CCDC170: variants seen among roughly 807,000 people sequenced by gnomAD.
CCDC170 encodes coiled-coil domain containing 170.
CCDC170 carries 69 observed loss-of-function variants against 72.6 expected under a neutral mutation model. The observed-to-expected ratio is 0.95, with a 90% CI of 0.78 to 1.16. The LOEUF is 1.16. Ranked by LOEUF, CCDC170 falls within the 50% of genes most tolerant of loss-of-function variation. The probability of loss-of-function intolerance (pLI) is 0.00; values close to 1 mark genes in which losing one functional copy is unlikely to be tolerated. For missense variants in CCDC170, 852 were observed against 832.5 expected (o/e 1.02, Z -0.29); for synonymous variants, 300 against 303.9 (o/e 0.99, Z 0.13).
intron 5 of CCDC170, among the ~76,000 whole-genome samples, chr6:151,551,373 G>A (rs1232869353): frequency 1.3e-5 from 2 of 152,124 alleles, no homozygotes; most frequent in South Asian, 2.1e-4. Flanking sequence ...TATAATGCCG[G>A]ATACCATCTG....
chr6:151,571,708 T>C (rs1817480), intron 5 of CCDC170, among the ~76,000 whole-genome samples: 14,596 of 151,506 alleles, frequency 0.096, 721 homozygotes, highest in Non-Finnish European at 0.11. Flanking sequence ...GCCTGGGCAA[T>C]AAGAGTGAAA....
intron 9 of CCDC170, among the ~76,000 whole-genome samples, chr6:151,601,667 G>A (rs1327387947): frequency 1.3e-5 from 2 of 152,124 alleles, no homozygotes; most frequent in Non-Finnish European, 2.9e-5. Context: ...GAGACTAGCA[G>A]GATGGGCTGA....
At chr6:151,520,398 G>A (rs1366850850) in intron 1 of CCDC170, among the ~76,000 whole-genome samples, 1 of 152,230 alleles carries the variant, frequency 6.6e-6, no homozygotes, top group Non-Finnish European at 1.5e-5. Context: ...GACAGTGAAA[G>A]AGATCTAATC....
chr6:151,557,224 C>T (rs138004850), intron 5 of CCDC170, among the ~76,000 whole-genome samples: 1,743 of 151,990 alleles, frequency 0.011, 37 homozygotes, highest in African/African-American at 0.04. Flanking sequence ...CTGGCTAACA[C>T]GGTGGAACCC....
intron 6 of CCDC170, among the ~76,000 whole-genome samples, chr6:151,574,528 G>A (rs1776274170): frequency 6.6e-6 from 1 of 152,184 alleles, no homozygotes. Context: ...GTAATGCAGA[G>A]TGCAGCCTTA....
intron 1 of CCDC170, among the ~76,000 whole-genome samples, chr6:151,508,170 GA>G (rs1583001954): frequency 6.6e-6 from 1 of 152,276 alleles, no homozygotes; most frequent in East Asian, 1.9e-4. Flanking sequence ...CTATGTAAGG[GA>G]AATATTCCTG....
chr6:151,535,202 C>T (rs748004936), intron 1 of CCDC170, among the ~76,000 whole-genome samples: 1 of 152,190 alleles, frequency 6.6e-6, no homozygotes, highest in Non-Finnish European at 1.5e-5. Context: ...GGAATTTACA[C>T]TTCAAAAAGT....
At chr6:151,541,198 C>A (rs910535548) in intron 3 of CCDC170, among the ~76,000 whole-genome samples, 2 of 152,192 alleles carry the variant, frequency 1.3e-5, no homozygotes, top group Non-Finnish European at 2.9e-5. Flanking sequence ...TCAGATGGCA[C>A]TTTCCAAGTG....
At chr6:151,532,536 G>A (rs555701645) in intron 1 of CCDC170, among the ~76,000 whole-genome samples, 4 of 151,918 alleles carry the variant, frequency 2.6e-5, no homozygotes, top group South Asian at 2.1e-4. Flanking sequence ...GAATCTGGGA[G>A]GTGAAAGTTG....
chr6:151,578,829 G>C (rs983507098), intron 6 of CCDC170, among the ~76,000 whole-genome samples: 5 of 152,150 alleles, frequency 3.3e-5, no homozygotes, highest in African/African-American at 9.7e-5. Flanking sequence ...TGTCTAAAAG[G>C]AACTGGACTT....
intron 1 of CCDC170, among the ~76,000 whole-genome samples, chr6:151,509,523 T>G (rs116506584): frequency 0.019 from 2,842 of 152,302 alleles, 83 homozygotes; most frequent in African/African-American, 0.065. Flanking sequence ...TGAACAGATA[T>G]TTTTAAGCTT....
intron 1 of CCDC170, among the ~76,000 whole-genome samples, chr6:151,523,357 G>A (rs1405306938): frequency 6.6e-6 from 1 of 152,080 alleles, no homozygotes; most frequent in Non-Finnish European, 1.5e-5. Flanking sequence ...GCTAATTGGA[G>A]ATGTTTTCCC....
rs1212389041 is a variant in CCDC170 at position 151,618,028 on chromosome 6, A to G, written c.2029A>G (p.Lys677Glu). ...SLALPDYEII[K>E]CLERLVHSHQ... is the part of the protein sequence containing the mutation. ...TGCTCTTCCTGATTATGAAATCATC[A>G]AGTGTCTTGAAAGATTGGTCCATTC... The change falls in exon 11 of 11, where the codon AAG becomes GAG. Residue 677 changes from lysine (K) to glutamate (E), a missense_variant. Coordinates refer to ENST00000239374, the MANE Select transcript of CCDC170 (RefSeq NM_025059.4). 8.1e-6 allele frequency: 13 copies of G among 1,614,134 alleles called. No homozygotes were observed. The highest frequency in any genetic ancestry group is 1.0e-5 in the Non-Finnish European group (12 of 1,180,026).
intron 9 of CCDC170, among the ~76,000 whole-genome samples, chr6:151,600,927 C>G (rs148747276): frequency 6.0e-4 from 92 of 152,274 alleles, no homozygotes; most frequent in African/African-American, 2.1e-3. Context: ...TTCTGGTAAC[C>G]AGTCATCTTT....
intron 9 of CCDC170, among the ~76,000 whole-genome samples, chr6:151,614,171 T>C (rs1301266633): frequency 2.0e-5 from 3 of 152,182 alleles, no homozygotes; most frequent in Non-Finnish European, 4.4e-5. Context: ...TCCATGGTGT[T>C]AAGTACATTC....
chr6:151,554,305 T>C (rs918933028), intron 5 of CCDC170, among the ~76,000 whole-genome samples: 2 of 152,240 alleles, frequency 1.3e-5, no homozygotes, highest in African/African-American at 4.8e-5. Flanking sequence ...AACTTCCATG[T>C]TGCATTTAAT....
chr6:151,508,697 A>G (rs1782099569), intron 1 of CCDC170, among the ~76,000 whole-genome samples: 1 of 149,876 alleles, frequency 6.7e-6, no homozygotes, highest in Admixed American at 6.6e-5. Context: ...TGGGTGACAG[A>G]GTGAGACTCT....
intron 1 of CCDC170, among the ~76,000 whole-genome samples, chr6:151,517,168 A>G (rs1404784715): frequency 6.6e-6 from 1 of 152,116 alleles, no homozygotes; most frequent in Non-Finnish European, 1.5e-5. Flanking sequence ...AACTGTCTCT[A>G]CTAAAAATAC....
chr6:151,515,868 CCATCCTGGCCAA>C, intron 1 of CCDC170, among the ~76,000 whole-genome samples: 1 of 152,088 alleles, frequency 6.6e-6, no homozygotes, highest in East Asian at 1.9e-4. Flanking sequence ...GAGATCAAGA[CCATCCTGGCCAA>C]CATGGTGAAA....
Sources: gnomAD v4.1 joint callset for allele counts (sites outside exome capture counted in the v4.1 genomes callset) on GRCh38, gnomAD v4.1.1 for gene constraint, MANE v1.5 for transcripts, NCBI Gene and HGNC (gene_info 2026-07-23, HGNC 2026-07-21) for gene names.